Variants in SOCS5 observed in about 807,000 individuals in gnomAD.
The protein encoded by SOCS5 is CIS-6.
In SOCS5, 32 loss-of-function variants were observed where a neutral mutation model predicts 42.8. The ratio of observed to expected loss-of-function variants is 0.75; its 90% CI spans 0.56 to 1.01. The LOEUF (loss-of-function observed/expected upper bound fraction) is 1.01. Ranked by LOEUF, SOCS5 falls within the 50% of genes least tolerant of loss-of-function variation. The pLI is 0.00. For missense variants in SOCS5, 627 were observed against 653.0 expected (o/e 0.96, Z 0.43); for synonymous variants, 283 against 229.6 (o/e 1.23, Z -2.10).
At chr2:46,727,867 G>T (rs561781591) in intron 1 of SOCS5, among the ~76,000 whole-genome samples, 35 of 152,206 alleles carry the variant, frequency 2.3e-4, no homozygotes, top group East Asian at 1.5e-3. Context: ...GGAAAAGCTG[G>T]GTCTTTTTCT....
At chr2:46,711,380 T>C (rs920434349) in intron 1 of SOCS5, among the ~76,000 whole-genome samples, 1 of 152,248 alleles carries the variant, frequency 6.6e-6, no homozygotes, top group Non-Finnish European at 1.5e-5. Flanking sequence ...TGAGTATCGA[T>C]GTCATGCATT....
intron 1 of SOCS5, among the ~76,000 whole-genome samples, chr2:46,752,285 G>C (rs947096067): frequency 2.0e-5 from 3 of 151,946 alleles, no homozygotes; most frequent in African/African-American, 7.3e-5. Flanking sequence ...GGGGATCTAG[G>C]TTGCGTGTTC....
chr2:46,747,990 C>A (rs1401194122), intron 1 of SOCS5, among the ~76,000 whole-genome samples: 1 of 152,098 alleles, frequency 6.6e-6, no homozygotes, highest in African/African-American at 2.4e-5. Flanking sequence ...ATGTTACATG[C>A]TAATTGGTAA....
intron 1 of SOCS5, among the ~76,000 whole-genome samples, chr2:46,735,251 G>A (rs138356027): frequency 1.2e-3 from 176 of 152,294 alleles, no homozygotes; most frequent in African/African-American, 3.9e-3. Context: ...GAAGCTCTCA[G>A]ATTTGACCCT....
At chr2:46,748,370 G>C (rs1673555570) in intron 1 of SOCS5, among the ~76,000 whole-genome samples, 1 of 151,750 alleles carries the variant, frequency 6.6e-6, no homozygotes, top group Non-Finnish European at 1.5e-5. Flanking sequence ...AAATCTTATT[G>C]TAGAGACAGG....
In SOCS5 at chr2:46,713,006, C is replaced by G. The variant is rs559557034; in HGVS notation, c.-13+13557C>G. 3.9e-5 allele frequency among the ~76,000 whole-genome samples: 6 copies of G among 152,274 alleles called. No individual in the cohort carries two copies. In the East Asian group the frequency reaches 1.2e-3, roughly 29 times the overall value. ...TGATGGAATTTATCAATGAAGCCAT[C>G]TGGACCTGTAGTTTTCTTTGTGGAA... On this transcript the variant is annotated intron_variant, in intron 1 of 1. Transcript: ENST00000394861.
chr2:46,719,333 G>C (rs190431486), intron 1 of SOCS5, among the ~76,000 whole-genome samples: 1 of 152,164 alleles, frequency 6.6e-6, no homozygotes, highest in Non-Finnish European at 1.5e-5. Context: ...TACACTGTAC[G>C]TGTAATATGT....
chr2:46,717,557 C>G (rs1449679346), intron 1 of SOCS5, among the ~76,000 whole-genome samples: 2 of 152,014 alleles, frequency 1.3e-5, no homozygotes, highest in Non-Finnish European at 2.9e-5. Flanking sequence ...TTAAGGTCAT[C>G]ATTTCGTAAT....
At chr2:46,706,265 G>C (rs1672460937) in intron 1 of SOCS5, among the ~76,000 whole-genome samples, 2 of 152,316 alleles carry the variant, frequency 1.3e-5, no homozygotes, top group East Asian at 3.9e-4. Flanking sequence ...AAGGTTAAGT[G>C]ACTTTCCCAA....
At chr2:46,714,655 A>G (rs1572831772) in intron 1 of SOCS5, among the ~76,000 whole-genome samples, 1 of 152,118 alleles carries the variant, frequency 6.6e-6, no homozygotes, top group Non-Finnish European at 1.5e-5. Flanking sequence ...CTGGCCTGCC[A>G]CCTGTTTATG....
chr2:46,752,289 C>A (rs142532011), intron 1 of SOCS5, among the ~76,000 whole-genome samples: 1 of 151,730 alleles, frequency 6.6e-6, no homozygotes, highest in Non-Finnish European at 1.5e-5. Flanking sequence ...ATCTAGGTTG[C>A]GTGTTCCTTA....
At position 46,759,258 on chromosome 2, in the gene SOCS5, A is replaced by G. The variant is rs1558415029; in HGVS notation, c.728A>G (p.His243Arg). The G allele has an allele frequency of 6.8e-6, 11 of 1,614,046 alleles. No individual in the cohort carries two copies. The highest frequency in any genetic ancestry group is 1.7e-5 in the Admixed American group (1 of 60,026). Residue 243 changes from histidine (H) to arginine (R), a missense_variant, in exon 2 of 2, where the codon CAT becomes CGT. Physicochemically the swap from His to Arg is conservative, Grantham distance 29. This residue lies in a region of SOCS5 where 340 missense variants were observed against 367.6 expected (regional missense o/e 0.92). Coordinates refer to ENST00000394861, the MANE Select transcript of SOCS5 (RefSeq NM_144949.3). ...CAGCATACAGCTCCTGTGAGCCCAC[A>G]TTCAACATTTTTTGATACATTTGAT... ...IKQHTAPVSP[H>R]STFFDTFDPS...
Position 46,726,266 on chromosome 2 carries a change from T to G in SOCS5, c.-13+26817T>G, listed in dbSNP as rs184316965. Among the ~76,000 whole-genome samples, 20 of 152,050 alleles carry G rather than the reference T, an allele frequency of 1.3e-4. No homozygotes were observed. The East Asian group carries it at 1.7e-3, about 13-fold the overall frequency. ...CGTGCACCACCATGCTCGGCTAATT[T>G]TTTGTATTTTTAGTAGAGACGTGGT... On this transcript the variant is annotated intron_variant, in intron 1 of 1. Coordinates refer to ENST00000394861, the MANE Select transcript of SOCS5 (RefSeq NM_144949.3).
At chr2:46,737,446 G>C (rs954724172) in intron 1 of SOCS5, among the ~76,000 whole-genome samples, 6 of 152,086 alleles carry the variant, frequency 3.9e-5, no homozygotes, top group Non-Finnish European at 8.8e-5. Context: ...CATTCCTACT[G>C]GGTGACTTTT....
intron 1 of SOCS5, among the ~76,000 whole-genome samples, chr2:46,724,434 T>C (rs1672949719): frequency 6.6e-6 from 1 of 152,040 alleles, no homozygotes; most frequent in Non-Finnish European, 1.5e-5. Context: ...TTTGTTTTGC[T>C]CTTTTTTTCT....
At chr2:46,736,881 G>T (rs1673264830) in intron 1 of SOCS5, among the ~76,000 whole-genome samples, 1 of 151,178 alleles carries the variant, frequency 6.6e-6, no homozygotes, top group African/African-American at 2.4e-5. Context: ...TTTACTAGTT[G>T]GGCATCCCTA....
chr2:46,721,414 A>AAT (rs1558403349), intron 1 of SOCS5, among the ~76,000 whole-genome samples: 1 of 152,166 alleles, frequency 6.6e-6, no homozygotes, highest in African/African-American at 2.4e-5. Flanking sequence ...CTAGTAGGTA[A>AAT]ATATTTGTTA....
chr2:46,731,448 A>G (rs1011714825), intron 1 of SOCS5, among the ~76,000 whole-genome samples: 4 of 152,216 alleles, frequency 2.6e-5, no homozygotes, highest in Admixed American at 6.5e-5. Flanking sequence ...CACCCTGTTT[A>G]TGGTGTTTTC....
chr2:46,717,497 C>G (rs1271795919), intron 1 of SOCS5, among the ~76,000 whole-genome samples: 1 of 152,142 alleles, frequency 6.6e-6, no homozygotes, highest in African/African-American at 2.4e-5. Flanking sequence ...TAAGGATATT[C>G]ATGCCAGATA....
Sources: allele counts gnomAD v4.1 joint callset (sites outside exome capture counted in the v4.1 genomes callset), GRCh38; gene constraint gnomAD v4.1.1; regional missense constraint gnomAD v4.1.1; transcripts MANE v1.5; gene names NCBI Gene and HGNC (gene_info 2026-07-23, HGNC 2026-07-21).